EHBP1: variants seen among roughly 807,000 people sequenced by gnomAD.
EHBP1 encodes EH domain-binding protein 1.
Under a neutral mutation model 144.0 loss-of-function variants are expected in EHBP1, and 55 were observed. The ratio of observed to expected loss-of-function variants is 0.38; its 90% CI spans 0.31 to 0.48. EHBP1 has a LOEUF of 0.48. Ranked by LOEUF, EHBP1 falls within the 20% of genes least tolerant of loss-of-function variation. The probability of loss-of-function intolerance (pLI) is 0.98; values close to 1 mark genes in which losing one functional copy is unlikely to be tolerated. For missense variants in EHBP1, 1,200 were observed against 1,364.2 expected, an observed-to-expected ratio of 0.88 and a Z score of 1.90; for synonymous variants, 469 against 472.7, an observed-to-expected ratio of 0.99 and a Z score of 0.10.
chr2:62,776,385 A>G (rs1393014539), intron 5 of EHBP1, among the ~76,000 whole-genome samples: 1 of 152,210 alleles, frequency 6.6e-6, no homozygotes, highest in African/African-American at 2.4e-5. Flanking sequence ...TATCTACTCC[A>G]CAGGTTATTG....
At chr2:62,837,246 AT>A (rs1173966091) in intron 7 of EHBP1, among the ~76,000 whole-genome samples, 1 of 145,728 alleles carries the variant, frequency 6.9e-6, no homozygotes, top group African/African-American at 2.6e-5. Flanking sequence ...ACTAAGCTTC[AT>A]AAGTGAAGGA....
At chr2:62,870,374 A>T (rs1292682474) in intron 9 of EHBP1, among the ~76,000 whole-genome samples, 1 of 152,196 alleles carries the variant, frequency 6.6e-6, no homozygotes, top group Non-Finnish European at 1.5e-5. Flanking sequence ...GGACTGTTTG[A>T]TTTTAAAAAT....
chr2:63,041,155 C>CA (rs926380159), intron 21 of EHBP1, among the ~76,000 whole-genome samples: 8 of 149,754 alleles, frequency 5.3e-5, no homozygotes, highest in East Asian at 1.9e-4. Context: ...GGTTTGAGAG[C>CA]AAAAAAAAAT....
chr2:62,710,852 C>T (rs2035078827), intron 2 of EHBP1, among the ~76,000 whole-genome samples: 1 of 152,074 alleles, frequency 6.6e-6, no homozygotes, highest in South Asian at 2.1e-4. Flanking sequence ...TTATGAAGAC[C>T]AAATTACATT....
chr2:62,720,230 G>A (rs2036094387), intron 2 of EHBP1, among the ~76,000 whole-genome samples: 2 of 152,212 alleles, frequency 1.3e-5, no homozygotes, highest in South Asian at 4.1e-4. Flanking sequence ...TACACATTAA[G>A]GGCCTTGTAA....
At chr2:62,852,744 C>T (rs963739465) in intron 7 of EHBP1, among the ~76,000 whole-genome samples, 4 of 151,878 alleles carry the variant, frequency 2.6e-5, no homozygotes, top group African/African-American at 9.7e-5. Flanking sequence ...AACAGTGATC[C>T]TACACTCCAT....
intron 14 of EHBP1, among the ~76,000 whole-genome samples, chr2:62,959,523 A>G (rs1265250836): frequency 6.6e-6 from 1 of 152,208 alleles, no homozygotes; most frequent in Non-Finnish European, 1.5e-5. Flanking sequence ...CTTTCTCCAC[A>G]TTCTCACCAA....
At chr2:63,038,631 C>T in intron 20 of EHBP1, 112 bp from the exon 21 acceptor site, 1 of 915,242 alleles carries the variant, frequency 1.1e-6, no homozygotes, top group Non-Finnish European at 1.7e-6. Context: ...GTGGCTTAAA[C>T]TTAAAGAGAA....
At chr2:62,956,148 A>G (rs2057683531) in intron 14 of EHBP1, 1 of 152,302 alleles carries the variant, frequency 6.6e-6, no homozygotes. Flanking sequence ...TGAATCCAGG[A>G]TTTGAACCTG....
intron 5 of EHBP1, among the ~76,000 whole-genome samples, chr2:62,825,505 T>C (rs951657440): frequency 6.6e-6 from 1 of 151,716 alleles, no homozygotes; most frequent in African/African-American, 2.4e-5. Flanking sequence ...TTATGATATA[T>C]GTGCTTTTAT....
chr2:62,766,137 A>G (rs981801845), intron 4 of EHBP1, among the ~76,000 whole-genome samples: 3 of 152,208 alleles, frequency 2.0e-5, no homozygotes, highest in Non-Finnish European at 2.9e-5. Flanking sequence ...CTATTATACT[A>G]GAAAATGAGT....
chr2:62,984,227 C>G (rs1198871434), intron 15 of EHBP1, among the ~76,000 whole-genome samples: 1 of 152,042 alleles, frequency 6.6e-6, no homozygotes, highest in African/African-American at 2.4e-5. Flanking sequence ...CTCTCTCTCT[C>G]TTTTTTAACT....
intron 9 of EHBP1, among the ~76,000 whole-genome samples, chr2:62,873,911 C>T (rs1478991656): frequency 1.3e-5 from 2 of 152,142 alleles, no homozygotes; most frequent in African/African-American, 2.4e-5. Context: ...ACTGCTAAAA[C>T]ATGTTCCGTA....
At chr2:62,980,857 C>CT (rs1331290793) in intron 15 of EHBP1, among the ~76,000 whole-genome samples, 46 of 139,432 alleles carry the variant, frequency 3.3e-4, no homozygotes, top group Admixed American at 4.3e-4. Flanking sequence ...TTTCACGTGT[C>CT]TTTTTTTTTT....
Position 62,990,843 on chromosome 2 carries a change from A to G in EHBP1, c.2733+3A>G, listed in dbSNP as rs2059384981. 4 of 1,609,812 alleles carry G rather than the reference A, an allele frequency of 2.5e-6. No homozygotes were observed. The highest frequency in any genetic ancestry group is 2.5e-6 in the Non-Finnish European group (3 of 1,178,182). ...AGAGCTCAGAGCAGGACATGAAAGT[A>G]AGTCTTACTTGTTTAAAACATTTGG... On this transcript the variant is annotated splice_donor_region_variant and intron_variant, in intron 16 of 22. Transcript: ENST00000431489.
chr2:62,989,056 C>G (rs1026498896), intron 15 of EHBP1, among the ~76,000 whole-genome samples: 1 of 152,016 alleles, frequency 6.6e-6, no homozygotes. Flanking sequence ...TATACTATTG[C>G]TAAATAGAAG....
chr2:62,966,087 A>G (rs1426065883), intron 14 of EHBP1, among the ~76,000 whole-genome samples: 4 of 152,234 alleles, frequency 2.6e-5, no homozygotes, highest in African/African-American at 9.6e-5. Context: ...TCAGTTGAAC[A>G]AATTAACTTA....
chr2:62,694,810 C>T (rs1047978880), intron 1 of EHBP1, among the ~76,000 whole-genome samples: 2 of 152,112 alleles, frequency 1.3e-5, no homozygotes, highest in African/African-American at 2.4e-5. Context: ...CAGTGGAGGT[C>T]CCTGGCAGCA....
intron 14 of EHBP1, among the ~76,000 whole-genome samples, chr2:62,972,378 A>G (rs780443331): frequency 2.6e-5 from 4 of 152,218 alleles, no homozygotes; most frequent in African/African-American, 7.2e-5. Flanking sequence ...AGTAAAAAAG[A>G]AAAAATGCAT....
Sources: allele counts gnomAD v4.1 joint callset (sites outside exome capture counted in the v4.1 genomes callset), GRCh38; gene constraint gnomAD v4.1.1; transcripts MANE v1.5; gene names NCBI Gene and HGNC (gene_info 2026-07-23, HGNC 2026-07-21).